Variants in WIPI1 observed in about 807,000 individuals in gnomAD.
WIPI1 encodes WD repeat domain phosphoinositide-interacting protein 1.
Under a neutral mutation model 55.3 loss-of-function variants are expected in WIPI1, and 45 were observed. The ratio of observed to expected loss-of-function variants is 0.81; its 90% CI spans 0.64 to 1.04. The LOEUF (loss-of-function observed/expected upper bound fraction) is 1.04. WIPI1 is among the 50% of genes least tolerant of loss of function. The probability of loss-of-function intolerance (pLI) is 0.00; values close to 1 mark genes in which losing one functional copy is unlikely to be tolerated. For missense variants in WIPI1, 445 were observed against 559.0 expected (o/e 0.80, Z 2.06); for synonymous variants, 195 against 217.6 (o/e 0.90, Z 0.92).
intron 4 of WIPI1, chr17:68,441,030 C>G (rs2084052602): frequency 6.6e-6 from 1 of 152,166 alleles, no homozygotes; most frequent in South Asian, 2.1e-4. Flanking sequence ...ATGAACTGTT[C>G]AATGATCTGC....
intron 11 of WIPI1, 24 bp downstream of exon 11, chr17:68,427,111 C>T (rs1346074294): frequency 6.3e-7 from 1 of 1,588,728 alleles, no homozygotes; most frequent in South Asian, 1.1e-5. Flanking sequence ...GAGATGCTCC[C>T]CTGTTGGCCC....
chr17:68,425,786 C>A, intron 12 of WIPI1: 1 of 344,028 alleles, frequency 2.9e-6, no homozygotes, highest in Non-Finnish European at 5.3e-6. Flanking sequence ...GCTACAGAAG[C>A]AAAGTAAGGG....
At chr17:68,432,942 C>T (rs916336222) in intron 8 of WIPI1, among the ~76,000 whole-genome samples, 4 of 152,194 alleles carry the variant, frequency 2.6e-5, no homozygotes, top group African/African-American at 9.7e-5. Flanking sequence ...TACTCTTTCC[C>T]TAGAGATTTT....
At chr17:68,426,254 G>GGGCCCCCCCCCCCCCCCCCCCCCC in intron 11 of WIPI1, 79 bp from the exon 12 acceptor site, 1 of 816,924 alleles carries the variant, frequency 1.2e-6, no homozygotes, top group Non-Finnish European at 1.9e-6. Flanking sequence ...GGGAGCGGGG[G>GGGCCCCCCCCCCCCCCCCCCCCCC]CTCAAATAAA....
At chr17:68,445,669 T>A (rs1033554385) in intron 3 of WIPI1, among the ~76,000 whole-genome samples, 1 of 152,308 alleles carries the variant, frequency 6.6e-6, no homozygotes, top group East Asian at 1.9e-4. Context: ...CTCAGCTAAG[T>A]GAAAACAGGC....
chr17:68,452,303 G>A (rs2084528256), intron 2 of WIPI1, among the ~76,000 whole-genome samples: 1 of 152,214 alleles, frequency 6.6e-6, no homozygotes, highest in African/African-American at 2.4e-5. Context: ...GGTGGCTCAC[G>A]CCTGTAATCT....
chr17:68,426,251 G>GGGGGGGGGGGGGGGT lies in WIPI1; in HGVS notation c.1193-77_1193-76insACCCCCCCCCCCCCC. ...GCCATGACCTGGCGGGTGGGGAGCG[G>GGGGGGGGGGGGGGGT]GGGCTCAAATAAAGGGCAAAGGAAG... On this transcript the variant is annotated intron_variant, in intron 11 of 12. Coordinates refer to ENST00000262139, the MANE Select transcript of WIPI1 (RefSeq NM_017983.7). 6 of 825,460 alleles carry GGGGGGGGGGGGGGGT rather than the reference G, an allele frequency of 7.3e-6. 1 individual carries two copies. The highest frequency in any genetic ancestry group is 2.6e-5 in the South Asian group (2 of 75,498). 51.1% of individuals were successfully genotyped at this position (825,460 alleles called of 1,614,324 possible).
intron 12 of WIPI1, chr17:68,424,308 G>A (rs1055926915): frequency 2.4e-5 from 10 of 424,534 alleles, no homozygotes; most frequent in Admixed American, 6.1e-5. Context: ...CCGCAGAGCC[G>A]ATGTGGGAAA....
At chr17:68,448,196 A>C (rs1193467469) in intron 3 of WIPI1, 1 of 152,220 alleles carries the variant, frequency 6.6e-6, no homozygotes, top group Non-Finnish European at 1.5e-5. Flanking sequence ...CGGACACCAC[A>C]GAATCCCTAC....
intron 1 of WIPI1, among the ~76,000 whole-genome samples, chr17:68,453,336 T>C (rs988585013): frequency 6.6e-6 from 1 of 152,232 alleles, no homozygotes; most frequent in African/African-American, 2.4e-5. Context: ...ATATTCATAA[T>C]AGCTGAAAGC....
intron 8 of WIPI1, 130 bp from the exon 9 acceptor site, chr17:68,430,290 C>T: frequency 2.3e-6 from 2 of 879,276 alleles, no homozygotes; most frequent in South Asian, 3.5e-5. Context: ...GCATAATGTT[C>T]TGCCCACTGA....
rs958164201 is a variant in WIPI1, at chr17:68,427,810, C to T, written c.1074-557G>A. The stretch of plus-strand genomic sequence containing the variant: ...AAGGAGAGCAGCCATCGGTGGGGGG[C>T]GGTGGCAGCTCTGGTGCCCTGGCCA... On this transcript the variant is annotated intron_variant, in intron 10 of 12. Transcript: ENST00000262139. Among the ~76,000 whole-genome samples, 19 of 152,316 alleles carry T rather than the reference C, an allele frequency of 1.2e-4. No homozygotes were observed. The South Asian group carries it at 1.7e-3, about 13-fold the overall frequency.
intron 4 of WIPI1, among the ~76,000 whole-genome samples, chr17:68,438,220 C>T (rs1220571069): frequency 4.0e-5 from 6 of 150,880 alleles, no homozygotes; most frequent in South Asian, 4.2e-4. Flanking sequence ...GGCTGAGCCC[C>T]GGAACCTTTA....
Position 68,433,466 on chromosome 17 carries a change from G to T in WIPI1, c.800+2C>A, listed in dbSNP as rs768603769. On this transcript the variant is annotated splice_donor_variant, in intron 8 of 12. Transcript: ENST00000262139. LOFTEE classifies it high-confidence loss of function. ...GCATTTGGTGCCCCGCGGAGTACTTGCCTGTTGGTGACCTGTTCCAGCTTG... is the reference window on the plus strand; with the variant it reads ...GCATTTGGTGCCCCGCGGAGTACTTTCCTGTTGGTGACCTGTTCCAGCTTG... 6.2e-7 allele frequency: 1 copy of T among 1,613,768 alleles called. No homozygotes were observed. Among genetic ancestry groups the T allele is most frequent in the East Asian group, 2.2e-5 (1 of 44,876 alleles).
intron 1 of WIPI1, 56 bp downstream of exon 1, chr17:68,457,286 C>A: frequency 6.5e-7 from 1 of 1,528,794 alleles, no homozygotes; most frequent in Non-Finnish European, 8.8e-7. Flanking sequence ...GACGACACCC[C>A]TGGGTCCTGA....
At chr17:68,430,217 A>C (rs2083449350) in intron 8 of WIPI1, 57 bp from the exon 9 acceptor site, 4 of 1,540,384 alleles carry the variant, frequency 2.6e-6, no homozygotes, top group Non-Finnish European at 3.5e-6. Context: ...ACACGCACCC[A>C]GGAATCTCCA....
intron 11 of WIPI1, 68 bp downstream of exon 11, chr17:68,427,067 G>A: frequency 7.7e-7 from 1 of 1,298,678 alleles, no homozygotes; most frequent in Non-Finnish European, 1.1e-6. Flanking sequence ...AGGGGAGGGA[G>A]CGTGCAGGGA....
chr17:68,438,819 C>T (rs1443309224), intron 4 of WIPI1, among the ~76,000 whole-genome samples: 4 of 152,156 alleles, frequency 2.6e-5, no homozygotes, highest in South Asian at 2.1e-4. Context: ...CAGGCTGTCT[C>T]GAACTCGTGA....
chr17:68,439,401 C>A (rs2083978832), intron 4 of WIPI1, among the ~76,000 whole-genome samples: 1 of 152,094 alleles, frequency 6.6e-6, no homozygotes, highest in Non-Finnish European at 1.5e-5. Flanking sequence ...GTATGAGTCT[C>A]CTGATATAAA....
Sources: allele counts gnomAD v4.1 joint callset (sites outside exome capture counted in the v4.1 genomes callset), GRCh38; gene constraint gnomAD v4.1.1; transcripts MANE v1.5; gene names NCBI Gene and HGNC (gene_info 2026-07-23, HGNC 2026-07-21).